ADAM19: variants seen among roughly 807,000 people sequenced by gnomAD.
ADAM19 encodes the protein ADAM metallopeptidase domain 19.
Under a neutral mutation model 114.7 loss-of-function variants are expected in ADAM19, and 65 were observed. The ratio of observed to expected loss-of-function variants is 0.57; its 90% CI spans 0.46 to 0.70. The LOEUF (loss-of-function observed/expected upper bound fraction) is 0.70, where lower values mean the gene tolerates loss of function less well. ADAM19 is among the 30% of genes least tolerant of loss of function. The pLI, the probability that ADAM19 is intolerant of heterozygous loss-of-function variation, is 0.00. For missense variants in ADAM19, 1,063 were observed against 1,204.7 expected (o/e 0.88, Z 1.74); for synonymous variants, 466 against 460.5 (o/e 1.01, Z -0.15).
chr5:157,507,175 G>A (rs761302807), intron 9 of ADAM19, 35 bp from the exon 10 acceptor site: 15 of 1,596,244 alleles, frequency 9.4e-6, no homozygotes, highest in Admixed American at 8.3e-5. Context: ...GACCGGGGAC[G>A]AGACTAAGAG....
intron 4 of ADAM19, among the ~76,000 whole-genome samples, chr5:157,537,258 T>G (rs911019903): frequency 6.6e-6 from 1 of 152,214 alleles, no homozygotes; most frequent in African/African-American, 2.4e-5. Flanking sequence ...CTAGCCACCA[T>G]GAAATGTGTA....
chr5:157,507,376 G>A (rs1755779246), intron 9 of ADAM19, among the ~76,000 whole-genome samples: 1 of 152,228 alleles, frequency 6.6e-6, no homozygotes, highest in Admixed American at 6.5e-5. Flanking sequence ...GAGAGAGAAA[G>A]GTCGTTTATC....
At chr5:157,510,320 C>A (rs545860907) in intron 8 of ADAM19, among the ~76,000 whole-genome samples, 3 of 152,206 alleles carry the variant, frequency 2.0e-5, no homozygotes, top group African/African-American at 7.2e-5. Flanking sequence ...ACTAAAAATA[C>A]AAAATTAGCT....
chr5:157,507,380 G>A (rs1014078455), intron 9 of ADAM19, among the ~76,000 whole-genome samples: 1 of 152,202 alleles, frequency 6.6e-6, no homozygotes, highest in Non-Finnish European at 1.5e-5. Flanking sequence ...GAGAAAGGTC[G>A]TTTATCTCCC....
At chr5:157,495,206 T>C (rs1252754205) in intron 14 of ADAM19, among the ~76,000 whole-genome samples, 1 of 152,180 alleles carries the variant, frequency 6.6e-6, no homozygotes, top group Non-Finnish European at 1.5e-5. Context: ...TTTCACCATC[T>C]TGGCCAGGCT....
At chr5:157,494,659 T>C (rs1755296305) in intron 15 of ADAM19, 28 bp downstream of exon 15, 1 of 1,591,012 alleles carries the variant, frequency 6.3e-7, no homozygotes, top group Admixed American at 1.7e-5. Flanking sequence ...TCATCCTCAT[T>C]TCATGAGGCC....
intron 22 of ADAM19, 42 bp from the exon 23 acceptor site, chr5:157,481,044 T>C: frequency 1.2e-6 from 2 of 1,613,296 alleles, no homozygotes; most frequent in Non-Finnish European, 8.5e-7. Context: ...ATCAGCTTGA[T>C]GCTGATCAAT....
chr5:157,523,544 T>A (rs192148669), intron 5 of ADAM19, among the ~76,000 whole-genome samples: 1 of 152,222 alleles, frequency 6.6e-6, no homozygotes, highest in Admixed American at 6.5e-5. Context: ...CCTCCCTTTC[T>A]CTCTCACTTT....
intron 9 of ADAM19, among the ~76,000 whole-genome samples, chr5:157,508,086 A>G (rs1483648858): frequency 6.6e-6 from 1 of 152,244 alleles, no homozygotes; most frequent in East Asian, 1.9e-4. Flanking sequence ...AACAATCTGC[A>G]AAGAAATATG....
rs997381622 is a variant in ADAM19 at position 157,477,672 on chromosome 5, G to C, written c.*3277C>G. ...GTCCAGCAGAGCTGTTATACACGTGGTTAACACAATTACTGACTTTGGAAC... is the reference window on the plus strand; with the variant it reads ...GTCCAGCAGAGCTGTTATACACGTGCTTAACACAATTACTGACTTTGGAAC... On this transcript the variant is annotated 3_prime_UTR_variant, in exon 23 of 23. Coordinates refer to ENST00000257527, the MANE Select transcript of ADAM19 (RefSeq NM_033274.5). 4.7e-6 allele frequency: 6 copies of C among 1,289,646 alleles called. No individual in the cohort carries two copies. In the African/African-American group the frequency reaches 9.1e-5, roughly 20 times the overall value. The allele number at this position is 1,289,646 out of a possible 1,614,324, so 79.9% of individuals were successfully genotyped here.
chr5:157,490,174 G>T, intron 19 of ADAM19, 136 bp downstream of exon 19: 1 of 904,384 alleles, frequency 1.1e-6, no homozygotes. Context: ...CATAGCAGGG[G>T]AGAGGGCAGC....
chr5:157,564,244 G>A (rs893181604), intron 3 of ADAM19, 129 bp downstream of exon 3: 4 of 820,516 alleles, frequency 4.9e-6, no homozygotes, highest in Admixed American at 4.1e-5. Flanking sequence ...GATGCTGCCT[G>A]AAAGAAACCA....
chr5:157,560,223 C>A (rs571857502), intron 3 of ADAM19, among the ~76,000 whole-genome samples: 1 of 145,408 alleles, frequency 6.9e-6, no homozygotes, highest in Admixed American at 6.9e-5. Context: ...CGAGATCCCG[C>A]CACTGCACTC....
At chr5:157,487,443 G>C (rs1254670167) in intron 21 of ADAM19, among the ~76,000 whole-genome samples, 1 of 152,162 alleles carries the variant, frequency 6.6e-6, no homozygotes, top group Admixed American at 6.5e-5. Context: ...GTTCCATGGA[G>C]CCCTCTGGAT....
chr5:157,567,624 C>T (rs1338847246), intron 2 of ADAM19, among the ~76,000 whole-genome samples: 1 of 152,018 alleles, frequency 6.6e-6, no homozygotes, highest in Non-Finnish European at 1.5e-5. Context: ...ATGGAGAAAC[C>T]CCATCTCTAC....
intron 2 of ADAM19, among the ~76,000 whole-genome samples, chr5:157,569,335 C>G (rs1250854666): frequency 6.7e-6 from 1 of 149,448 alleles, no homozygotes; most frequent in Non-Finnish European, 1.5e-5. Flanking sequence ...ACCTCAAACT[C>G]CTGGGCTCAG....
chr5:157,505,887 C>G, intron 10 of ADAM19, 79 bp from the exon 11 acceptor site: 1 of 1,499,516 alleles, frequency 6.7e-7, no homozygotes, highest in Non-Finnish European at 9.0e-7. Context: ...TATCCTTAGC[C>G]AAGTCTTGCA....
chr5:157,572,589 C>T (rs961630046), intron 1 of ADAM19, among the ~76,000 whole-genome samples: 1 of 152,138 alleles, frequency 6.6e-6, no homozygotes, highest in Non-Finnish European at 1.5e-5. Context: ...CACTTGCAGT[C>T]AACATAGATT....
rs1755391968 is a variant in ADAM19, at chr5:157,497,165, G to A, written c.1399-76C>T. 2.3e-6 allele frequency: 3 copies of A among 1,304,850 alleles called. No homozygotes were observed. The South Asian group carries it at 5.3e-5, about 23-fold the overall frequency. The allele number at this position is 1,304,850 out of a possible 1,614,324, so 80.8% of individuals were successfully genotyped here. ...ACCCTGTTGCCCAAGGGCTCATAAG[G>A]ATCACTCTCATAGAACAGAATTTTC... On this transcript the variant is annotated intron_variant, in intron 13 of 22. Coordinates refer to ENST00000257527, the MANE Select transcript of ADAM19 (RefSeq NM_033274.5).
Sources: allele counts gnomAD v4.1 joint callset (sites outside exome capture counted in the v4.1 genomes callset), GRCh38; gene constraint gnomAD v4.1.1; transcripts MANE v1.5; gene names NCBI Gene and HGNC (gene_info 2026-07-23, HGNC 2026-07-21).